The following RAB3GAP2 variants were observed in gnomAD, a reference collection of about 807,000 sequenced individuals.
RAB3GAP2 encodes the protein rab3 GTPase-activating protein non-catalytic subunit.
RAB3GAP2 carries 87 observed loss-of-function variants against 185.3 expected under a neutral mutation model. That is an observed-to-expected ratio of 0.47 (90% CI 0.39 to 0.56). RAB3GAP2 has a LOEUF of 0.56. Ranked by LOEUF, RAB3GAP2 falls within the 20% of genes least tolerant of loss-of-function variation. The pLI, the probability that RAB3GAP2 is intolerant of heterozygous loss-of-function variation, is 0.00. For missense variants in RAB3GAP2, 1,492 were observed against 1,638.2 expected (o/e 0.91, Z 1.54); for synonymous variants, 554 against 576.1 (o/e 0.96, Z 0.55).
intron 33 of RAB3GAP2, among the ~76,000 whole-genome samples, chr1:220,152,838 G>A (rs1475077123): frequency 2.6e-5 from 4 of 152,112 alleles, no homozygotes; most frequent in Non-Finnish European, 5.9e-5. Flanking sequence ...TTACACGTGT[G>A]AGCCACGACA....
At chr1:220,204,086 C>T (rs1658912015) in intron 8 of RAB3GAP2, among the ~76,000 whole-genome samples, 2 of 152,088 alleles carry the variant, frequency 1.3e-5, no homozygotes, top group South Asian at 2.1e-4. Context: ...ATGGTTGAGA[C>T]GGCTTCCTGA....
At chr1:220,168,986 AT>A (rs1237945014) in intron 24 of RAB3GAP2, among the ~76,000 whole-genome samples, 6 of 152,230 alleles carry the variant, frequency 3.9e-5, no homozygotes, top group African/African-American at 1.4e-4. Flanking sequence ...ATCAGTGAAA[AT>A]AAATGTGAGC....
intron 2 of RAB3GAP2, among the ~76,000 whole-genome samples, chr1:220,229,117 T>A (rs747679217): frequency 6.6e-6 from 1 of 152,240 alleles, no homozygotes; most frequent in African/African-American, 2.4e-5. Flanking sequence ...TTAACACTTA[T>A]GCATTCTAAC....
Position 220,202,282 on chromosome 1 carries a change from T to G in RAB3GAP2, c.805A>C (p.Ser269Arg). Residue 269 changes from serine (S) to arginine (R), a missense_variant, in exon 9 of 35, where the codon AGT becomes CGT. Physicochemically the swap from Ser to Arg is moderately radical, Grantham distance 110. Coordinates refer to ENST00000358951, the MANE Select transcript of RAB3GAP2 (RefSeq NM_012414.4). Reference protein sequence around the residue: ...QDIDTIIDHASVGIMTLSPFD... With the variant: ...QDIDTIIDHARVGIMTLSPFD... ...TTGAATTAGTAATACTTACCAACAC[T>G]AGCATGATCAATAATAGTGTCAATA... is the stretch of plus-strand genomic sequence containing the variant. 1 of 1,613,580 alleles carries G rather than the reference T, an allele frequency of 6.2e-7. No homozygotes were observed. Among genetic ancestry groups the G allele is most frequent in the South Asian group, 1.1e-5 (1 of 91,008 alleles).
intron 33 of RAB3GAP2, among the ~76,000 whole-genome samples, chr1:220,152,871 A>C (rs1657788478): frequency 6.6e-6 from 1 of 151,942 alleles, no homozygotes. Flanking sequence ...TATTTTCTTC[A>C]TAGCACCTAT....
At chr1:220,258,458 C>T (rs1367682126) in intron 1 of RAB3GAP2, among the ~76,000 whole-genome samples, 28 of 152,070 alleles carry the variant, frequency 1.8e-4, no homozygotes, top group Non-Finnish European at 2.9e-5. Context: ...TGTGATTTAT[C>T]ACATAAACAG....
At chr1:220,260,658 G>C (rs945770803) in intron 1 of RAB3GAP2, among the ~76,000 whole-genome samples, 1 of 152,048 alleles carries the variant, frequency 6.6e-6, no homozygotes, top group African/African-American at 2.4e-5. Flanking sequence ...TAATACCTGG[G>C]TGATGGGGTG....
At chr1:220,250,442 A>G (rs1174876594) in intron 1 of RAB3GAP2, among the ~76,000 whole-genome samples, 3 of 152,248 alleles carry the variant, frequency 2.0e-5, no homozygotes, top group South Asian at 4.1e-4. Flanking sequence ...TTTTGATTCT[A>G]CAGGCTCATA....
chr1:220,175,390 T>C (rs928332656), intron 21 of RAB3GAP2, among the ~76,000 whole-genome samples: 1 of 151,962 alleles, frequency 6.6e-6, no homozygotes, highest in Non-Finnish European at 1.5e-5. Context: ...GGCTAATTTT[T>C]GTATTTTTAG....
intron 33 of RAB3GAP2, 57 bp downstream of exon 33, chr1:220,153,128 T>C (rs1657793155): frequency 3.8e-6 from 5 of 1,331,234 alleles, no homozygotes; most frequent in Middle Eastern, 4.3e-4. Context: ...TGATTCTTTA[T>C]TCCAACTATC....
intron 1 of RAB3GAP2, among the ~76,000 whole-genome samples, chr1:220,251,249 T>C (rs1339511598): frequency 1.3e-5 from 2 of 152,160 alleles, no homozygotes; most frequent in Non-Finnish European, 2.9e-5. Context: ...TGCACACAAA[T>C]GTGATATTTA....
intron 9 of RAB3GAP2, among the ~76,000 whole-genome samples, 185 bp downstream of exon 9, chr1:220,202,091 G>A (rs1658871562): frequency 6.6e-6 from 1 of 152,098 alleles, no homozygotes; most frequent in African/African-American, 2.4e-5. Context: ...CTTGATCCTG[G>A]AAGGTGGAGG....
intron 31 of RAB3GAP2, chr1:220,154,461 G>A: frequency 5.3e-6 from 1 of 190,288 alleles, no homozygotes; most frequent in Non-Finnish European, 1.1e-5. Flanking sequence ...TGTATGGAGA[G>A]GCACATGTGG....
At chr1:220,254,187 C>T (rs184385661) in intron 1 of RAB3GAP2, 60 of 1,613,424 alleles carry the variant, frequency 3.7e-5, no homozygotes, top group Non-Finnish European at 4.7e-5. Flanking sequence ...CTCGTGGAAA[C>T]ACAGATAATA....
rs1660245469 is a variant in RAB3GAP2, at chr1:220,267,293, T to A, written c.115+4930A>T. ...GTTTCAAGTGGTGTATATTCCAGAATTAGGTAGACTCTGGTGGCATCATGG... is the reference window on the plus strand; with the variant it reads ...GTTTCAAGTGGTGTATATTCCAGAAATAGGTAGACTCTGGTGGCATCATGG... On this transcript the variant is annotated intron_variant, in intron 1 of 34. Coordinates refer to ENST00000358951, the MANE Select transcript of RAB3GAP2 (RefSeq NM_012414.4). 5.3e-6 allele frequency: 5 copies of A among 947,332 alleles called. No homozygotes were observed. In the South Asian group the frequency reaches 6.4e-5, roughly 12 times the overall value. The allele number at this position is 947,332 out of a possible 1,614,324, so 58.7% of individuals were successfully genotyped here. A position where few individuals can be genotyped will look rare whatever the true frequency, so the allele number is the denominator to read the frequency against.
At chr1:220,246,728 C>A (rs1659824887) in intron 1 of RAB3GAP2, among the ~76,000 whole-genome samples, 1 of 133,620 alleles carries the variant, frequency 7.5e-6, no homozygotes, top group African/African-American at 2.9e-5. Flanking sequence ...AATGAGATCA[C>A]ATGGACACAG....
In RAB3GAP2 at chr1:220,167,337, G is replaced by A. The variant is rs527925398; in HGVS notation, c.3043C>T (p.His1015Tyr). 3 of 1,614,186 alleles carry A rather than the reference G, an allele frequency of 1.9e-6. No individual in the cohort carries two copies. The highest frequency in any genetic ancestry group is 1.7e-5 in the Admixed American group (1 of 60,020). The change falls in exon 26 of 35, where the codon CAT (histidine) becomes TAT (tyrosine). Residue 1015 changes from histidine to tyrosine, a missense_variant. By Grantham distance (83) the His-to-Tyr change is moderately conservative. Transcript: ENST00000358951. ...TGAACAACGTACTCCCAGCAGCAAT[G>A]TGCATGCAAGACATCGAGCTCAAGG... ...CSLELDVLHA[H>Y]CCWEYVVQWN... is the part of the protein sequence containing the mutation.
At chr1:220,250,190 C>T (rs929990491) in intron 1 of RAB3GAP2, among the ~76,000 whole-genome samples, 3 of 152,158 alleles carry the variant, frequency 2.0e-5, no homozygotes, top group African/African-American at 7.2e-5. Flanking sequence ...CCCTGCAAAG[C>T]CACAGGGGGG....
chr1:220,239,382 C>A (rs1288855271), intron 1 of RAB3GAP2, among the ~76,000 whole-genome samples: 1 of 152,040 alleles, frequency 6.6e-6, no homozygotes, highest in Non-Finnish European at 1.5e-5. Flanking sequence ...AGGCATATGC[C>A]ACCATGTCCG....
Sources: gnomAD v4.1 joint callset for allele counts (sites outside exome capture counted in the v4.1 genomes callset) on GRCh38, gnomAD v4.1.1 for gene constraint, MANE v1.5 for transcripts, NCBI Gene and HGNC (gene_info 2026-07-23, HGNC 2026-07-21) for gene names.